Variants in ROR2 observed in about 807,000 individuals in gnomAD.
ROR2 encodes tyrosine-protein kinase transmembrane receptor ROR2.
A neutral mutation model predicts 74.9 loss-of-function variants in ROR2; 33 were observed. The observed-to-expected ratio is 0.44, with a 90% CI of 0.33 to 0.59. The LOEUF (loss-of-function observed/expected upper bound fraction) is 0.59. Ranked by LOEUF, ROR2 falls within the 20% of genes least tolerant of loss-of-function variation. The probability of loss-of-function intolerance (pLI) is 0.02; values close to 1 mark genes in which losing one functional copy is unlikely to be tolerated. For synonymous variants in ROR2, 586 were observed against 558.7 expected, an observed-to-expected ratio of 1.05 and a Z score of -0.69; for missense variants, 1,216 against 1,313.8, an observed-to-expected ratio of 0.93 and a Z score of 1.15.
rs190717663 is a variant in ROR2 at position 91,860,964 on chromosome 9, T to C, written c.98-85146A>G. Among the ~76,000 whole-genome samples, 426 of 152,276 alleles carry C rather than the reference T, an allele frequency of 2.8e-3. 9 individuals are homozygous for C. Among genetic ancestry groups the C allele is most frequent in the Admixed American group, 0.014 (221 of 15,302 alleles). ...CATTTGTATTTCTATATGCTAGCAATAAACGATGTGAAAATGAAACCAAGT... is the reference window on the plus strand; with the variant it reads ...CATTTGTATTTCTATATGCTAGCAACAAACGATGTGAAAATGAAACCAAGT... On this transcript the variant is annotated intron_variant, in intron 1 of 8. Coordinates refer to ENST00000375708, the MANE Select transcript of ROR2 (RefSeq NM_004560.4).
intron 2 of ROR2, among the ~76,000 whole-genome samples, chr9:91,771,722 T>TTCTCTCTCTCTC (rs34716594): frequency 6.6e-6 from 1 of 150,762 alleles, no homozygotes; most frequent in Admixed American, 6.6e-5. Context: ...CCTCTCTCTC[T>TTCTCTCTCTCTC]TCTCTCTCTC....
chr9:91,770,043 C>T (rs965296842), intron 2 of ROR2, among the ~76,000 whole-genome samples: 1 of 152,248 alleles, frequency 6.6e-6, no homozygotes, highest in African/African-American at 2.4e-5. Context: ...TGCATTTCTG[C>T]TGCACCGTAC....
chr9:91,745,804 G>A (rs1825393434), intron 4 of ROR2, among the ~76,000 whole-genome samples: 3 of 152,094 alleles, frequency 2.0e-5, no homozygotes, highest in Admixed American at 2.0e-4. Flanking sequence ...CCTACTGCTT[G>A]TATCACATAA....
At chr9:91,946,891 T>C (rs1183776594) in intron 1 of ROR2, among the ~76,000 whole-genome samples, 3 of 152,214 alleles carry the variant, frequency 2.0e-5, no homozygotes, top group African/African-American at 7.2e-5. Context: ...CCTGTATTTC[T>C]ATTCCACTGA....
chr9:91,728,662 C>T (rs1837127840), intron 7 of ROR2, among the ~76,000 whole-genome samples: 1 of 152,078 alleles, frequency 6.6e-6, no homozygotes, highest in Non-Finnish European at 1.5e-5. Context: ...AACTCCTGAC[C>T]TCAGGTGATC....
chr9:91,929,695 C>G (rs1831500616), intron 1 of ROR2, among the ~76,000 whole-genome samples: 1 of 152,098 alleles, frequency 6.6e-6, no homozygotes. Flanking sequence ...GCTCCAAGTC[C>G]AAGAAAACCC....
At chr9:91,939,778 A>G (rs574729239) in intron 1 of ROR2, among the ~76,000 whole-genome samples, 72 of 152,306 alleles carry the variant, frequency 4.7e-4, no homozygotes, top group African/African-American at 1.6e-3. Context: ...TTAATACTGC[A>G]TTTGTTTTCA....
Position 91,758,962 on chromosome 9 carries a change from T to C in ROR2, c.176-1403A>G, listed in dbSNP as rs62563405. 3.7e-3 allele frequency among the ~76,000 whole-genome samples: 569 copies of C among 152,340 alleles called. 2 individuals are homozygous for C. The highest frequency in any genetic ancestry group is 6.2e-3 in the Non-Finnish European group (420 of 68,022). On this transcript the variant is annotated intron_variant, in intron 2 of 8. Transcript: ENST00000375708. ...TGGACAAGAAAGTTAATCATCAACA[T>C]GAACTTACATCAGACAAAGCTAAAA...
chr9:91,730,783 G>T (rs959137495), intron 7 of ROR2, 127 bp downstream of exon 7: 2 of 1,258,980 alleles, frequency 1.6e-6, no homozygotes, highest in Non-Finnish European at 1.1e-6. Context: ...GGTCACTGTG[G>T]TAAGATCAGG....
chr9:91,787,364 A>G (rs1291941092), intron 1 of ROR2, among the ~76,000 whole-genome samples: 1 of 152,158 alleles, frequency 6.6e-6, no homozygotes, highest in Non-Finnish European at 1.5e-5. Flanking sequence ...TACAAAAATT[A>G]GCCATGAGTG....
intron 1 of ROR2, among the ~76,000 whole-genome samples, chr9:91,947,493 T>TA (rs1832040428): frequency 6.6e-6 from 1 of 152,254 alleles, no homozygotes; most frequent in Non-Finnish European, 1.5e-5. Flanking sequence ...AAAGTCTTCT[T>TA]ATTCAAGATG....
chr9:91,773,194 T>C (rs1230375880), intron 2 of ROR2, among the ~76,000 whole-genome samples: 2 of 152,134 alleles, frequency 1.3e-5, no homozygotes, highest in Non-Finnish European at 2.9e-5. Flanking sequence ...GGTGAGAGGT[T>C]TGCAGCGCAT....
intron 4 of ROR2, among the ~76,000 whole-genome samples, chr9:91,741,053 G>A (rs936063425): frequency 2.6e-5 from 4 of 152,104 alleles, no homozygotes; most frequent in Non-Finnish European, 5.9e-5. Context: ...TGTAATCCCA[G>A]AACTTTGGGA....
intron 1 of ROR2, among the ~76,000 whole-genome samples, chr9:91,789,009 G>A (rs1017986440): frequency 6.6e-6 from 1 of 152,086 alleles, no homozygotes; most frequent in Non-Finnish European, 1.5e-5. Context: ...GGGGGAGGTC[G>A]GTCAATGGGT....
At chr9:91,798,318 G>A (rs1298596028) in intron 1 of ROR2, among the ~76,000 whole-genome samples, 179 of 131,976 alleles carry the variant, frequency 1.4e-3, no homozygotes, top group Middle Eastern at 5.1e-3. Flanking sequence ...CTGTGGGTGC[G>A]GCTGACGCCC....
intron 1 of ROR2, among the ~76,000 whole-genome samples, chr9:91,926,459 T>C (rs56013831): frequency 0.18 from 27,035 of 149,564 alleles, 2,764 homozygotes; most frequent in Admixed American, 0.26. Context: ...AGCTGGAGAA[T>C]TGCTTGAACC....
At chr9:91,933,466 G>A (rs1454415807) in intron 1 of ROR2, among the ~76,000 whole-genome samples, 2 of 152,124 alleles carry the variant, frequency 1.3e-5, no homozygotes, top group Non-Finnish European at 2.9e-5. Flanking sequence ...CAGGAGACCA[G>A]GGAAATAAAT....
intron 1 of ROR2, among the ~76,000 whole-genome samples, chr9:91,934,116 C>T (rs1831621551): frequency 6.6e-6 from 1 of 151,250 alleles, no homozygotes; most frequent in African/African-American, 2.4e-5. Context: ...TGCGGGGGGG[C>T]GAGTGAAAAG....
chr9:91,740,067 G>C (rs1268767681), intron 4 of ROR2, among the ~76,000 whole-genome samples: 1 of 152,154 alleles, frequency 6.6e-6, no homozygotes, highest in Non-Finnish European at 1.5e-5. Flanking sequence ...TTTCTACCTT[G>C]CAAGAGTCAA....
Sources: gnomAD v4.1 joint callset for allele counts (sites outside exome capture counted in the v4.1 genomes callset) on GRCh38, gnomAD v4.1.1 for gene constraint, MANE v1.5 for transcripts, NCBI Gene and HGNC (gene_info 2026-07-23, HGNC 2026-07-21) for gene names.